The following ZNF407 variants were observed in gnomAD, a reference collection of about 807,000 sequenced individuals.
ZNF407 encodes zinc finger protein 407.
A neutral mutation model predicts 131.2 loss-of-function variants in ZNF407; 17 were observed. The observed-to-expected ratio is 0.13, with a 90% CI of 0.09 to 0.19. The LOEUF is 0.19. Ranked by LOEUF, ZNF407 falls within the 10% of genes least tolerant of loss-of-function variation. ZNF407 has a pLI of 1.00. For missense variants in ZNF407, 2,681 were observed against 2,830.6 expected, an observed-to-expected ratio of 0.95 and a Z score of 1.20; for synonymous variants, 1,156 against 1,062.0, an observed-to-expected ratio of 1.09 and a Z score of -1.72.
At position 75,064,546 on chromosome 18, in the gene ZNF407, T is replaced by G. The variant is rs944146397; in HGVS notation, c.*78T>G. On this transcript the variant is annotated 3_prime_UTR_variant, in exon 9 of 9. Transcript: ENST00000299687. Reference sequence around the variant, plus strand: ...GGTGGGGGACCGTGTTCCCTGAGCTTCATCTGAAACCTTCAAAACCATGAG... The same window carrying G: ...GGTGGGGGACCGTGTTCCCTGAGCTGCATCTGAAACCTTCAAAACCATGAG... 7.8e-7 allele frequency: 1 copy of G among 1,282,402 alleles called. No individual in the cohort carries two copies. Among genetic ancestry groups the G allele is most frequent in the Non-Finnish European group, 1.0e-6 (1 of 953,080 alleles). 79.4% of individuals were successfully genotyped at this position (1,282,402 alleles called of 1,614,324 possible). A position where few individuals can be genotyped will look rare whatever the true frequency, so the allele number is the denominator to read the frequency against.
At chr18:74,608,852 T>TA (rs1982927931) in intron 1 of ZNF407, among the ~76,000 whole-genome samples, 1 of 152,224 alleles carries the variant, frequency 6.6e-6, no homozygotes, top group Non-Finnish European at 1.5e-5. Context: ...GTGATATAGA[T>TA]ATGTCTTCTT....
intron 8 of ZNF407, 171 bp downstream of exon 8, chr18:74,920,863 T>C: frequency 7.9e-7 from 1 of 1,271,448 alleles, no homozygotes; most frequent in Non-Finnish European, 1.0e-6. Flanking sequence ...CACTCAACTA[T>C]GAAAACAGGA....
chr18:74,982,990 T>G (rs1256129428), intron 8 of ZNF407, among the ~76,000 whole-genome samples: 1 of 152,182 alleles, frequency 6.6e-6, no homozygotes, highest in African/African-American at 2.4e-5. Flanking sequence ...ATCATTTAAT[T>G]TTCCTAATAA....
chr18:74,727,655 T>C (rs1356924023), intron 3 of ZNF407, among the ~76,000 whole-genome samples: 1 of 152,164 alleles, frequency 6.6e-6, no homozygotes, highest in African/African-American at 2.4e-5. Flanking sequence ...GAATAAGGGA[T>C]TATGAACCTT....
chr18:75,005,090 T>A (rs1289717298), intron 8 of ZNF407, among the ~76,000 whole-genome samples: 1 of 152,206 alleles, frequency 6.6e-6, no homozygotes, highest in African/African-American at 2.4e-5. Flanking sequence ...GGGAAAGTCC[T>A]TGATTCAGCC....
intron 2 of ZNF407, among the ~76,000 whole-genome samples, chr18:74,639,829 T>C (rs1188643375): frequency 3.3e-5 from 5 of 152,140 alleles, no homozygotes; most frequent in African/African-American, 1.2e-4. Context: ...TTTAAGACTC[T>C]AAAATTTTTT....
chr18:74,804,095 T>G (rs1185278897), intron 4 of ZNF407: 1 of 1,548,538 alleles, frequency 6.5e-7, no homozygotes. Flanking sequence ...GTGGGAGGAT[T>G]GGCTGAGGAC....
intron 4 of ZNF407, among the ~76,000 whole-genome samples, chr18:74,785,027 T>C (rs1969677123): frequency 6.6e-6 from 1 of 152,228 alleles, no homozygotes; most frequent in African/African-American, 2.4e-5. Flanking sequence ...TCAGGACATA[T>C]CTGCACTGGC....
intron 8 of ZNF407, among the ~76,000 whole-genome samples, chr18:74,926,326 A>G (rs1971912788): frequency 6.6e-6 from 1 of 152,148 alleles, no homozygotes; most frequent in East Asian, 1.9e-4. Context: ...TCAGAACAGT[A>G]TTTTTCATCA....
chr18:74,743,835 A>T (rs1968606453), intron 3 of ZNF407, among the ~76,000 whole-genome samples: 1 of 152,002 alleles, frequency 6.6e-6, no homozygotes, highest in Non-Finnish European at 1.5e-5. Flanking sequence ...ATATTTGAAC[A>T]TTTTTGAAAT....
chr18:74,991,240 G>A (rs967497701), intron 8 of ZNF407, among the ~76,000 whole-genome samples: 1 of 152,156 alleles, frequency 6.6e-6, no homozygotes, highest in African/African-American at 2.4e-5. Context: ...GTAGTAGAAG[G>A]GACTCCTGTA....
chr18:74,760,393 G>T (rs150292226), intron 3 of ZNF407, among the ~76,000 whole-genome samples: 4 of 152,260 alleles, frequency 2.6e-5, no homozygotes, highest in Admixed American at 6.5e-5. Context: ...ACAGCCCTGT[G>T]CATGTGTGTT....
chr18:74,942,482 A>G (rs546372773), intron 8 of ZNF407, among the ~76,000 whole-genome samples: 4 of 152,322 alleles, frequency 2.6e-5, no homozygotes, highest in South Asian at 4.1e-4. Context: ...ATCAAGCATG[A>G]CTGGAGAACA....
chr18:74,891,080 C>T (rs1971378466), intron 7 of ZNF407, among the ~76,000 whole-genome samples: 1 of 152,188 alleles, frequency 6.6e-6, no homozygotes. Context: ...CTAAATCATC[C>T]TCTCAAGTAC....
chr18:75,020,091 AT>A (rs2122200282), intron 8 of ZNF407, among the ~76,000 whole-genome samples: 1 of 152,262 alleles, frequency 6.6e-6, no homozygotes, highest in African/African-American at 2.4e-5. Flanking sequence ...AGTAAAACTT[AT>A]TTTACTTCGT....
chr18:74,993,991 G>A (rs557939192), intron 8 of ZNF407, among the ~76,000 whole-genome samples: 3 of 152,140 alleles, frequency 2.0e-5, no homozygotes, highest in Non-Finnish European at 2.9e-5. Context: ...ATAATGCTGT[G>A]GTCCGGTTTG....
At chr18:74,839,325 A>C (rs1281429502) in intron 4 of ZNF407, among the ~76,000 whole-genome samples, 1 of 152,222 alleles carries the variant, frequency 6.6e-6, no homozygotes, top group African/African-American at 2.4e-5. Flanking sequence ...ATACACACAC[A>C]CTGGAGATTA....
At chr18:75,008,948 A>G (rs1269760949) in intron 8 of ZNF407, among the ~76,000 whole-genome samples, 1 of 152,148 alleles carries the variant, frequency 6.6e-6, no homozygotes, top group East Asian at 1.9e-4. Flanking sequence ...ATTCTCATAT[A>G]TATTTTATTT....
intron 4 of ZNF407, among the ~76,000 whole-genome samples, chr18:74,871,869 T>TC (rs1399947474): frequency 1.3e-5 from 2 of 151,196 alleles, no homozygotes; most frequent in African/African-American, 2.4e-5. Flanking sequence ...TTTCTTTCTT[T>TC]TTTTTTTTTT....
Sources: allele counts gnomAD v4.1 joint callset (sites outside exome capture counted in the v4.1 genomes callset), GRCh38; gene constraint gnomAD v4.1.1; transcripts MANE v1.5; gene names NCBI Gene and HGNC (gene_info 2026-07-23, HGNC 2026-07-21).